Variants in USP10 observed in about 807,000 individuals in gnomAD.
USP10 encodes ubiquitin specific peptidase 10.
A neutral mutation model predicts 84.5 loss-of-function variants in USP10; 22 were observed. The ratio of observed to expected loss-of-function variants is 0.26; its 90% CI spans 0.19 to 0.37. USP10 has a LOEUF of 0.37. Among genes scored for constraint, USP10 ranks in the 10% least tolerant of loss-of-function variants. USP10 has a pLI of 1.00. For missense variants in USP10, 1,019 were observed against 998.9 expected (o/e 1.02, Z -0.27); for synonymous variants, 454 against 387.6 (o/e 1.17, Z -2.01).
At chr16:84,711,178 A>G (rs1906238973) in intron 1 of USP10, among the ~76,000 whole-genome samples, 1 of 152,204 alleles carries the variant, frequency 6.6e-6, no homozygotes, top group African/African-American at 2.4e-5. Context: ...TATGCCTTTT[A>G]AGCAAGCATT....
At chr16:84,700,770 A>T (rs1904762019) in intron 1 of USP10, among the ~76,000 whole-genome samples, 1 of 152,238 alleles carries the variant, frequency 6.6e-6, no homozygotes, top group South Asian at 2.1e-4. Flanking sequence ...CCAGGCTGAC[A>T]ACTAACGCAC....
chr16:84,752,492 C>T (rs1368223635), intron 4 of USP10, among the ~76,000 whole-genome samples: 1 of 152,120 alleles, frequency 6.6e-6, no homozygotes, highest in Non-Finnish European at 1.5e-5. Context: ...CTTTTAGCCT[C>T]CATAATTGGA....
chr16:84,777,603 C>T (rs763538257), intron 13 of USP10, among the ~76,000 whole-genome samples: 5 of 152,166 alleles, frequency 3.3e-5, no homozygotes, highest in Non-Finnish European at 7.4e-5. Context: ...CAGTCTCCTC[C>T]GGGGTCCCTG....
chr16:84,764,384 C>G (rs1913580944), intron 10 of USP10, 121 bp downstream of exon 10: 19 of 1,314,546 alleles, frequency 1.4e-5, no homozygotes, highest in Non-Finnish European at 2.0e-5. Context: ...GCATCTTGCT[C>G]CCCTGCCTGC....
At chr16:84,772,139 C>T (rs924974974) in intron 11 of USP10, among the ~76,000 whole-genome samples, 6 of 152,100 alleles carry the variant, frequency 3.9e-5, no homozygotes, top group Non-Finnish European at 7.3e-5. Flanking sequence ...GCAACGTCTA[C>T]CTCCTGGGTT....
At chr16:84,726,538 C>G (rs1160465613) in intron 1 of USP10, among the ~76,000 whole-genome samples, 1 of 152,244 alleles carries the variant, frequency 6.6e-6, no homozygotes, top group African/African-American at 2.4e-5. Flanking sequence ...AGCCAACAGG[C>G]TATGCTTCAG....
chr16:84,741,832 T>C (rs916327712), intron 3 of USP10, among the ~76,000 whole-genome samples: 1 of 152,228 alleles, frequency 6.6e-6, no homozygotes, highest in Non-Finnish European at 1.5e-5. Flanking sequence ...GGCACTGTCA[T>C]GGACCTGCCT....
At chr16:84,730,447 C>T (rs1052661454) in intron 1 of USP10, among the ~76,000 whole-genome samples, 1 of 151,980 alleles carries the variant, frequency 6.6e-6, no homozygotes, top group African/African-American at 2.4e-5. Flanking sequence ...AATAAAAACA[C>T]GCTTAAAATC....
intron 4 of USP10, among the ~76,000 whole-genome samples, chr16:84,755,991 A>G (rs1912489628): frequency 6.6e-6 from 1 of 152,110 alleles, no homozygotes; most frequent in African/African-American, 2.4e-5. Flanking sequence ...AGAACCTTCT[A>G]GTATATCTGT....
chr16:84,717,441 C>T (rs1410347841), intron 1 of USP10, among the ~76,000 whole-genome samples: 1 of 152,140 alleles, frequency 6.6e-6, no homozygotes, highest in Non-Finnish European at 1.5e-5. Flanking sequence ...TCCCTGACCC[C>T]AGTTCTTTGA....
chr16:84,758,318 C>G (rs182285739), intron 4 of USP10, among the ~76,000 whole-genome samples: 25 of 152,270 alleles, frequency 1.6e-4, no homozygotes, highest in African/African-American at 6.0e-4. Context: ...ATCTTTCTAT[C>G]TAGTGTCTGA....
Position 84,733,908 on chromosome 16 carries a change from G to A in USP10, c.90+405G>A, listed in dbSNP as rs142487638. Among the ~76,000 whole-genome samples, 1,097 of 152,222 alleles carry A rather than the reference G, an allele frequency of 7.2e-3. 13 individuals carry two copies. The highest frequency in any genetic ancestry group is 0.025 in the African/African-American group (1,031 of 41,530). ...TCACGTAAATGGTATACTATATTCA[G>A]TTTGTCGTTTATTTTAAGCTAACGT... On this transcript the variant is annotated intron_variant, in intron 2 of 13. Transcript: ENST00000219473.
intron 1 of USP10, among the ~76,000 whole-genome samples, chr16:84,726,376 T>G (rs144175086): frequency 6.6e-6 from 1 of 152,244 alleles, no homozygotes; most frequent in Non-Finnish European, 1.5e-5. Context: ...GGAATGTGTC[T>G]TTATTGCTGA....
chr16:84,750,391 A>C (rs968768729), intron 4 of USP10, among the ~76,000 whole-genome samples: 1 of 140,030 alleles, frequency 7.1e-6, no homozygotes, highest in African/African-American at 2.6e-5. Context: ...TGGGCCACAG[A>C]GTGAGACTGT....
intron 1 of USP10, among the ~76,000 whole-genome samples, chr16:84,705,270 C>T (rs556585543): frequency 5.8e-4 from 87 of 149,528 alleles, no homozygotes; most frequent in African/African-American, 2.0e-3. Flanking sequence ...CTCGCTCTGT[C>T]GCCCAGGCTG....
chr16:84,776,210 G>T (rs955702119), intron 13 of USP10, among the ~76,000 whole-genome samples: 6 of 152,196 alleles, frequency 3.9e-5, no homozygotes, highest in African/African-American at 1.4e-4. Flanking sequence ...GCAGAGCAGG[G>T]CTTCAAGCTC....
chr16:84,701,920 C>G (rs72797561), intron 1 of USP10, among the ~76,000 whole-genome samples: 8,491 of 130,274 alleles, frequency 0.065, 404 homozygotes, highest in Non-Finnish European at 0.095. Context: ...AGTTTGATTT[C>G]TCATAATTTT....
intron 4 of USP10, 41 bp downstream of exon 4, chr16:84,745,714 C>CTATA: frequency 6.5e-7 from 1 of 1,548,882 alleles, no homozygotes; most frequent in South Asian, 1.2e-5. Context: ...AAGATGGGAG[C>CTATA]AGACCTCATC....
chr16:84,711,642 G>A (rs923306261), intron 1 of USP10, among the ~76,000 whole-genome samples: 26 of 150,466 alleles, frequency 1.7e-4, no homozygotes, highest in Admixed American at 1.6e-3. Context: ...CCACAACAAT[G>A]TATTCTAAGT....
Sources: allele counts gnomAD v4.1 joint callset (sites outside exome capture counted in the v4.1 genomes callset), GRCh38; gene constraint gnomAD v4.1.1; transcripts MANE v1.5; gene names NCBI Gene and HGNC (gene_info 2026-07-23, HGNC 2026-07-21).